Variants in SEC14L5 observed in about 807,000 individuals in gnomAD.
SEC14L5 encodes SEC14 like lipid binding 5.
A neutral mutation model predicts 84.6 loss-of-function variants in SEC14L5; 96 were observed. That is an observed-to-expected ratio of 1.13 (90% confidence interval 0.96 to 1.34). The LOEUF (loss-of-function observed/expected upper bound fraction) is 1.34. SEC14L5 is among the 40% of genes most tolerant of loss of function. The pLI is 0.00. For missense variants in SEC14L5, 1,224 were observed against 942.5 expected (o/e 1.30, Z -3.91); for synonymous variants, 546 against 383.4 (o/e 1.42, Z -4.95).
At chr16:4,959,737 A>G (rs574611681) in intron 2 of SEC14L5, among the ~76,000 whole-genome samples, 1 of 152,352 alleles carries the variant, frequency 6.6e-6, no homozygotes, top group Admixed American at 6.5e-5. Flanking sequence ...TGATAATGAC[A>G]ACAGCTGTTT....
intron 2 of SEC14L5, among the ~76,000 whole-genome samples, chr16:4,966,229 G>C (rs1955198445): frequency 1.4e-5 from 2 of 148,026 alleles, no homozygotes; most frequent in Non-Finnish European, 3.0e-5. Flanking sequence ...GCCTCCCAAA[G>C]TGCTGGGATT....
At chr16:4,962,126 C>G (rs1454964376) in intron 2 of SEC14L5, among the ~76,000 whole-genome samples, 1 of 146,940 alleles carries the variant, frequency 6.8e-6, no homozygotes, top group Admixed American at 6.9e-5. Context: ...GACACACAGT[C>G]CTGCACTCGA....
chr16:4,988,224 G>A lies in SEC14L5; in HGVS notation c.289G>A (p.Ala97Thr), dbSNP rs1297120823. 1.2e-6 allele frequency: 2 copies of A among 1,613,582 alleles called. No homozygotes were observed. Among genetic ancestry groups the A allele is most frequent in the Non-Finnish European group, 1.7e-6 (2 of 1,179,712 alleles). ...GAAGGAGAGGACGCTCCTCATCGAA[G>A]CGCACAATGAGACCTTCGCCAACCG... Reference protein sequence around the residue: ...NWKERTLLIEAHNETFANRVV... With the variant: ...NWKERTLLIETHNETFANRVV... The change falls in exon 4 of 16, where the codon GCG (alanine) becomes ACG (threonine). Residue 97 changes from alanine to threonine, a missense_variant. Transcript: ENST00000251170.
intron 14 of SEC14L5, among the ~76,000 whole-genome samples, chr16:5,009,652 C>G (rs148018343): frequency 6.6e-6 from 1 of 152,042 alleles, no homozygotes; most frequent in Admixed American, 6.6e-5. Flanking sequence ...CACAAAGACT[C>G]TATTTCCAGA....
chr16:4,976,109 C>T (rs1272030458), intron 2 of SEC14L5, among the ~76,000 whole-genome samples: 1 of 152,194 alleles, frequency 6.6e-6, no homozygotes, highest in East Asian at 1.9e-4. Context: ...TTTAAATTTA[C>T]TTAAATGGTG....
chr16:4,967,953 C>G (rs574200011), intron 2 of SEC14L5, among the ~76,000 whole-genome samples: 6 of 137,064 alleles, frequency 4.4e-5, no homozygotes, highest in African/African-American at 5.4e-5. Flanking sequence ...TCCCCTCCCC[C>G]CCTCCCCCTT....
chr16:4,996,764 G>A (rs910509751), intron 7 of SEC14L5, 91 bp from the exon 8 acceptor site: 4 of 957,410 alleles, frequency 4.2e-6, no homozygotes, highest in Admixed American at 2.6e-5. Flanking sequence ...TAGAGATGGG[G>A]TCTCACCATG....
In SEC14L5 at chr16:5,008,546, G is replaced by T; in HGVS notation, c.1698G>T (p.Gly566=). 1.9e-6 allele frequency: 3 copies of T among 1,609,536 alleles called. No homozygotes were observed. Among genetic ancestry groups the T allele is most frequent in the Non-Finnish European group, 2.5e-6 (3 of 1,178,336 alleles). Residue 566 remains glycine (G), a synonymous_variant, in exon 14 of 16, where the codon GGG becomes GGT. Transcript: ENST00000251170. ...QAPRLGAREP[G]TRASGQLIDK... ...CCAGGCTGGGCGCCCGGGAACCGGG[G>T]ACCAGGGCCAGCGGGCAGCTGATCG...
rs772832989 is a variant in SEC14L5, at chr16:5,008,450, G to A, written c.1602G>A (p.Ser534=). 4 of 1,613,262 alleles carry A rather than the reference G, an allele frequency of 2.5e-6. No homozygotes were observed. Among genetic ancestry groups the A allele is most frequent in the South Asian group, 2.2e-5 (2 of 91,028 alleles). ...CCGTGGAGATCCTGGAAGGAGAGTC[G>A]GTCATCACCTGGGACTTTGACATCC... ...EVAVEILEGE[S]VITWDFDILR... is the part of the protein sequence containing the mutation. Residue 534 remains serine, a synonymous_variant, in exon 14 of 16, where the codon TCG becomes TCA. Coordinates refer to ENST00000251170, the MANE Select transcript of SEC14L5 (RefSeq NM_014692.2).
chr16:5,003,624 G>GGCCCCC, intron 11 of SEC14L5, 51 bp downstream of exon 11: 1 of 305,312 alleles, frequency 3.3e-6, no homozygotes, highest in Non-Finnish European at 6.5e-6. Flanking sequence ...GGTGGGATGG[G>GGCCCCC]AGGGGTTCCG....
intron 2 of SEC14L5, among the ~76,000 whole-genome samples, chr16:4,970,666 T>C (rs1955264139): frequency 6.6e-6 from 1 of 152,190 alleles, no homozygotes; most frequent in Non-Finnish European, 1.5e-5. Flanking sequence ...AGTGAGACTC[T>C]GCAGTGGGTT....
intron 2 of SEC14L5, among the ~76,000 whole-genome samples, chr16:4,970,755 G>A (rs980734840): frequency 6.6e-6 from 1 of 152,162 alleles, no homozygotes; most frequent in Non-Finnish European, 1.5e-5. Flanking sequence ...GTCCTCATGT[G>A]GAGGGGACAC....
At chr16:4,990,691 T>G in intron 4 of SEC14L5, 76 bp from the exon 5 acceptor site, 1 of 1,429,032 alleles carries the variant, frequency 7.0e-7, no homozygotes, top group Non-Finnish European at 9.4e-7. Context: ...TGGGCCCAGG[T>G]CAGTGGGAGA....
rs149419576 is a variant in SEC14L5 at position 4,996,309 on chromosome 16, G to A, written c.668-39G>A. On this transcript the variant is annotated intron_variant, in intron 6 of 15. Coordinates refer to ENST00000251170, the MANE Select transcript of SEC14L5 (RefSeq NM_014692.2). ...AGACCACATGGTAAAGAGACGCAGC[G>A]TCTCCCTCTTGTCCTGAAGCTCCCC... The A allele has an allele frequency of 2.2e-3, 2,676 of 1,192,008 alleles. 8 individuals carry two copies. Among genetic ancestry groups the A allele is most frequent in the Middle Eastern group, 4.9e-3 (26 of 5,260 alleles). 73.8% of individuals were successfully genotyped at this position (1,192,008 alleles called of 1,614,324 possible).
chr16:5,002,012 C>T (rs1029345995), intron 10 of SEC14L5, among the ~76,000 whole-genome samples: 1 of 152,222 alleles, frequency 6.6e-6, no homozygotes, highest in Non-Finnish European at 1.5e-5. Flanking sequence ...TGAAGTGATC[C>T]TCCCACCTTG....
chr16:5,000,680 C>T lies in SEC14L5; in HGVS notation c.996C>T (p.Arg332=), dbSNP rs1434586510. Residue 332 remains arginine (R), a synonymous_variant, in exon 9 of 16, where the codon CGC becomes CGT. Transcript: ENST00000251170. ...DIDGRPLYIL[R]LGQMDTKGLM... is the part of the protein sequence containing the mutation. ...ATGGCCGCCCCCTCTACATCCTCCG[C>T]CTGGGCCAGATGGACACCAAAGGCT... 15 of 1,551,790 alleles carry T rather than the reference C, an allele frequency of 9.7e-6. No individual in the cohort carries two copies. The African/African-American group carries it at 1.1e-4, about 11-fold the overall frequency.
Position 4,966,319 on chromosome 16 carries a change from G to C in SEC14L5, c.63+6933G>C, listed in dbSNP as rs567733895. On this transcript the variant is annotated intron_variant, in intron 2 of 15. Coordinates refer to ENST00000251170, the MANE Select transcript of SEC14L5 (RefSeq NM_014692.2). ...GATGGAGTCTTGCTCTGTCACCCAG[G>C]CTGGAGTGCAGTGGCATGGTCTCGG... Among the ~76,000 whole-genome samples the C allele has an allele frequency of 6.9e-3, 940 of 137,160 alleles. 9 individuals carry two copies. Among genetic ancestry groups the C allele is most frequent in the Middle Eastern group, 0.016 (4 of 244 alleles). 90.0% of individuals were successfully genotyped at this position (137,160 alleles called of 152,430 possible). A position where few individuals can be genotyped will look rare whatever the true frequency, so the allele number is the denominator to read the frequency against.
chr16:4,996,827 G>A, intron 7 of SEC14L5, 28 bp from the exon 8 acceptor site: 1 of 1,586,392 alleles, frequency 6.3e-7, no homozygotes. Flanking sequence ...ATACCGTTCT[G>A]TGGGCTTTTT....
At chr16:5,009,344 C>T (rs1039697462) in intron 14 of SEC14L5, among the ~76,000 whole-genome samples, 1 of 152,042 alleles carries the variant, frequency 6.6e-6, no homozygotes, top group Non-Finnish European at 1.5e-5. Context: ...CTCACTCTAT[C>T]CATGATCAGG....
Sources: gnomAD v4.1 joint callset for allele counts (sites outside exome capture counted in the v4.1 genomes callset) on GRCh38, gnomAD v4.1.1 for gene constraint, MANE v1.5 for transcripts, NCBI Gene and HGNC (gene_info 2026-07-23, HGNC 2026-07-21) for gene names.